Variants in GJA5 observed in about 807,000 individuals in gnomAD.
GJA5 encodes the protein gap junction protein alpha 5.
GJA5 carries 3 observed loss-of-function variants against 7.9 expected under a neutral mutation model. The observed-to-expected ratio is 0.38, with a 90% CI of 0.17 to 0.99. The LOEUF (loss-of-function observed/expected upper bound fraction) is 0.99, where lower values mean the gene tolerates loss of function less well. Ranked by LOEUF, GJA5 falls within the 50% of genes least tolerant of loss-of-function variation. GJA5 has a pLI of 0.38. For missense variants in GJA5, 390 were observed against 457.9 expected, an observed-to-expected ratio of 0.85 and a Z score of 1.35; for synonymous variants, 193 against 181.0, an observed-to-expected ratio of 1.07 and a Z score of -0.53.
intron 1 of GJA5, among the ~76,000 whole-genome samples, chr1:147,768,957 G>A (rs1664306762): frequency 6.6e-6 from 1 of 152,210 alleles, no homozygotes; most frequent in South Asian, 2.1e-4. Context: ...ATAAGCCCGT[G>A]CCCAGAACTC....
rs148311482 is a variant in GJA5, at chr1:147,758,446, G to A, written c.793C>T (p.Pro265Ser). 432 of 1,614,186 alleles carry A rather than the reference G, an allele frequency of 2.7e-4. No individual in the cohort carries two copies. Among genetic ancestry groups the A allele is most frequent in the Admixed American group, 4.3e-4 (26 of 60,026 alleles). ...TTCTCCAGGCACTGATTAAAGTCGG[G>A]GGGTGGTGTGCAGCTCTGGACTATG... ...VGIVQSCTPP[P>S]DFNQCLENGP... Residue 265 changes from proline to serine, a missense_variant, in exon 2 of 2, where the codon CCC (proline) becomes TCC (serine). Transcript: ENST00000579774.
At chr1:147,768,031 G>A (rs1664272005) in intron 1 of GJA5, among the ~76,000 whole-genome samples, 1 of 152,152 alleles carries the variant, frequency 6.6e-6, no homozygotes, top group South Asian at 2.1e-4. Context: ...AAATGATCAG[G>A]CATGTGATGT....
chr1:147,758,006 T>C lies in GJA5; in HGVS notation c.*156A>G, dbSNP rs2148958519. The stretch of plus-strand genomic sequence containing the variant: ...TCTTACTATCCCAGAGCCCTGGTTA[T>C]AGTTTCTAGAATTAATGAGCAACGT... On this transcript the variant is annotated 3_prime_UTR_variant, in exon 2 of 2. Coordinates refer to ENST00000579774, the MANE Select transcript of GJA5 (RefSeq NM_181703.4). 3.1e-6 allele frequency: 2 copies of C among 655,662 alleles called. No individual in the cohort carries two copies. The highest frequency in any genetic ancestry group is 5.4e-6 in the Non-Finnish European group (2 of 368,904). 40.6% of individuals were successfully genotyped at this position (655,662 alleles called of 1,614,324 possible).
In GJA5 at chr1:147,758,052, AG is replaced by A; in HGVS notation, c.*109del. ...AACGTCATTGAGACCCGGGGCTCAAAGGAGCCAAGCAGTGATGACAGTGAGA... is the reference window on the plus strand; with the variant it reads ...AACGTCATTGAGACCCGGGGCTCAAAGAGCCAAGCAGTGATGACAGTGAGA... On this transcript the variant is annotated 3_prime_UTR_variant, in exon 2 of 2. Transcript: ENST00000579774. 1.2e-6 allele frequency: 1 copy of A among 821,442 alleles called. No homozygotes were observed. Among genetic ancestry groups the A allele is most frequent in the Non-Finnish European group, 2.1e-6 (1 of 471,592 alleles). 50.9% of individuals were successfully genotyped at this position (821,442 alleles called of 1,614,324 possible).
intron 1 of GJA5, among the ~76,000 whole-genome samples, chr1:147,771,849 T>C (rs1039709712): frequency 9.2e-5 from 14 of 152,152 alleles, no homozygotes; most frequent in Non-Finnish European, 1.8e-4. Flanking sequence ...TCCAAACAGC[T>C]CTGCCGCCGG....
chr1:147,761,958 A>G (rs1664034346), upstream of GJA5, among the ~76,000 whole-genome samples: 1 of 152,240 alleles, frequency 6.6e-6, no homozygotes, highest in African/African-American at 2.4e-5. Context: ...ACAAATTTCT[A>G]TTACCATCTG....
At chr1:147,765,421 C>T (rs1557947863), upstream of GJA5, among the ~76,000 whole-genome samples, 1 of 152,214 alleles carries the variant, frequency 6.6e-6, no homozygotes, top group African/African-American at 2.4e-5. Flanking sequence ...TCCATCTCCC[C>T]TCCAAGAGTG....
chr1:147,772,094 T>G (rs1664428091), intron 1 of GJA5, among the ~76,000 whole-genome samples: 1 of 152,178 alleles, frequency 6.6e-6, no homozygotes, highest in African/African-American at 2.4e-5. Context: ...CCCCTTGGTC[T>G]CTTCTCTCCT....
chr1:147,757,595 T>C lies in GJA5; in HGVS notation c.*567A>G, dbSNP rs1553226636. On this transcript the variant is annotated 3_prime_UTR_variant, in exon 2 of 2. Coordinates refer to ENST00000579774, the MANE Select transcript of GJA5 (RefSeq NM_181703.4). ...TGGTAAAGTTCCAAGAAGCCCTTTT[T>C]AAGGCTGAGTAGAGGGAGGAGAAGC... The C allele has an allele frequency of 6.3e-6, 1 of 159,830 alleles. No homozygotes were observed. The highest frequency in any genetic ancestry group is 1.4e-5 in the Non-Finnish European group (1 of 71,942). 9.9% of individuals were successfully genotyped at this position (159,830 alleles called of 1,614,324 possible).
chr1:147,771,245 A>T (rs587605144), intron 1 of GJA5, among the ~76,000 whole-genome samples: 2 of 152,284 alleles, frequency 1.3e-5, no homozygotes, highest in African/African-American at 4.8e-5. Flanking sequence ...GCAGGTGGGC[A>T]GGTGGGAGTC....
In GJA5 at chr1:147,757,236, C is replaced by T. The variant is rs1447457850; in HGVS notation, c.*926G>A. The T allele has an allele frequency of 1.3e-5, 2 of 152,128 alleles. No homozygotes were observed. The allele number at this position is 152,128 out of a possible 1,614,324, so 9.4% of individuals were successfully genotyped here. On this transcript the variant is annotated 3_prime_UTR_variant, in exon 2 of 2. Coordinates refer to ENST00000579774, the MANE Select transcript of GJA5 (RefSeq NM_181703.4). ...TGGCCTCAGTGGCTGATGATCTGGT[C>T]AGGGTTCGAGAGAGGACAACAGCTT... is the stretch of plus-strand genomic sequence containing the variant.
chr1:147,762,060 C>T (rs1224902279), upstream of GJA5, among the ~76,000 whole-genome samples: 4 of 152,124 alleles, frequency 2.6e-5, no homozygotes, highest in African/African-American at 4.8e-5. Context: ...TGAGATGATG[C>T]GTGCAAAGCA....
At chr1:147,760,061 G>A (rs2232186) in intron 1 of GJA5, among the ~76,000 whole-genome samples, 5,171 of 152,148 alleles carry the variant, frequency 0.034, 219 homozygotes, top group East Asian at 0.21. Context: ...TATCACAGAT[G>A]AGTGCTCACT....
intron 1 of GJA5, among the ~76,000 whole-genome samples, chr1:147,768,365 G>T (rs966773884): frequency 6.6e-6 from 1 of 152,118 alleles, no homozygotes; most frequent in Non-Finnish European, 1.5e-5. Flanking sequence ...AAAGAGATTC[G>T]TGCTAGGATA....
At chr1:147,771,298 T>G (rs72702316) in intron 1 of GJA5, among the ~76,000 whole-genome samples, 115 of 152,046 alleles carry the variant, frequency 7.6e-4, no homozygotes, top group Middle Eastern at 6.8e-3. Context: ...AGTGGAAGAA[T>G]CAGGGAGACT....
Position 147,758,443 on chromosome 1 carries a change from C to A in GJA5, c.796G>T (p.Asp266Tyr). 6.2e-7 allele frequency: 1 copy of A among 1,614,120 alleles called. No individual in the cohort carries two copies. The change falls in exon 2 of 2, where the codon GAC (aspartate) becomes TAC (tyrosine). Residue 266 changes from aspartate to tyrosine, a missense_variant. Transcript: ENST00000579774. ...CCATTCTCCAGGCACTGATTAAAGT[C>A]GGGGGGTGGTGTGCAGCTCTGGACT... ...GIVQSCTPPPDFNQCLENGPG... is the reference protein window; with the variant it reads ...GIVQSCTPPPYFNQCLENGPG...
At chr1:147,764,819 G>A (rs587626820), upstream of GJA5, among the ~76,000 whole-genome samples, 6 of 48,982 alleles carry the variant, frequency 1.2e-4, no homozygotes, top group Non-Finnish European at 1.9e-4. Context: ...GTGAGACTCC[G>A]TCTCAAAAAA....
intron 1 of GJA5, among the ~76,000 whole-genome samples, chr1:147,767,127 A>G (rs1664233015): frequency 6.6e-6 from 1 of 152,192 alleles, no homozygotes; most frequent in Admixed American, 6.5e-5. Flanking sequence ...TAAAATGGGT[A>G]TGTAGGGAGA....
At position 147,756,917 on chromosome 1, in the gene GJA5, T is replaced by C. The variant is rs1387273503; in HGVS notation, c.*1245A>G. On this transcript the variant is annotated 3_prime_UTR_variant, in exon 2 of 2. Coordinates refer to ENST00000579774, the MANE Select transcript of GJA5 (RefSeq NM_181703.4). ...GGCACTAGGGAGACATAGGAATCTCTGCGCTCTTTAAATAAAGGCCCTGCC... is the reference window on the plus strand; with the variant it reads ...GGCACTAGGGAGACATAGGAATCTCCGCGCTCTTTAAATAAAGGCCCTGCC... The C allele has an allele frequency of 6.6e-6, 1 of 152,172 alleles. No individual in the cohort carries two copies. Among genetic ancestry groups the C allele is most frequent in the Non-Finnish European group, 1.5e-5 (1 of 68,048 alleles). The allele number at this position is 152,172 out of a possible 1,614,324, so 9.4% of individuals were successfully genotyped here. A position where few individuals can be genotyped will look rare whatever the true frequency, so the allele number is the denominator to read the frequency against.
Sources: gnomAD v4.1 joint callset for allele counts (sites outside exome capture counted in the v4.1 genomes callset) on GRCh38, gnomAD v4.1.1 for gene constraint, MANE v1.5 for transcripts, NCBI Gene and HGNC (gene_info 2026-07-23, HGNC 2026-07-21) for gene names.